The following CHD9 variants were observed in gnomAD, a reference collection of about 807,000 sequenced individuals.
CHD9 encodes ATP-dependent chromatin remodeler CHD9.
In CHD9, 77 loss-of-function variants were observed where a neutral mutation model predicts 316.1. The observed-to-expected ratio is 0.24, with a 90% CI of 0.20 to 0.29. The LOEUF (loss-of-function observed/expected upper bound fraction) is 0.29, where lower values mean the gene tolerates loss of function less well. Among genes scored for constraint, CHD9 ranks in the 10% least tolerant of loss-of-function variants. The pLI, the probability that CHD9 is intolerant of heterozygous loss-of-function variation, is 1.00. For synonymous variants in CHD9, 1,129 were observed against 1,158.3 expected, an observed-to-expected ratio of 0.97 and a Z score of 0.51; for missense variants, 2,763 against 3,438.1, an observed-to-expected ratio of 0.80 and a Z score of 4.91.
intron 22 of CHD9, among the ~76,000 whole-genome samples, chr16:53,268,895 T>G (rs2051947458): frequency 6.6e-6 from 1 of 152,158 alleles, no homozygotes. Flanking sequence ...CTCAACCTCC[T>G]GGGCTTAAGC....
intron 1 of CHD9, among the ~76,000 whole-genome samples, chr16:53,067,770 C>T (rs2033654292): frequency 6.6e-6 from 1 of 152,152 alleles, no homozygotes; most frequent in South Asian, 2.1e-4. Context: ...TCAGGTTTCT[C>T]CACGGTAAAG....
intron 1 of CHD9, among the ~76,000 whole-genome samples, chr16:53,065,321 A>G (rs2033392394): frequency 6.6e-6 from 1 of 151,992 alleles, no homozygotes; most frequent in Non-Finnish European, 1.5e-5. Context: ...TCCCTGGGCC[A>G]GCCCTAAGAT....
intron 38 of CHD9, among the ~76,000 whole-genome samples, chr16:53,323,442 G>A (rs1220025555): frequency 2.6e-5 from 4 of 152,186 alleles, no homozygotes; most frequent in African/African-American, 9.6e-5. Context: ...CATGAAAGTA[G>A]CATAGATTGT....
At chr16:53,235,551 C>T (rs1273788707) in intron 11 of CHD9, among the ~76,000 whole-genome samples, 1 of 152,022 alleles carries the variant, frequency 6.6e-6, no homozygotes, top group African/African-American at 2.4e-5. Flanking sequence ...TTTGAAATAC[C>T]TTTCCAAGAG....
chr16:53,089,560 G>A (rs1448954872), intron 1 of CHD9, among the ~76,000 whole-genome samples: 3 of 152,206 alleles, frequency 2.0e-5, no homozygotes, highest in African/African-American at 7.2e-5. Flanking sequence ...AAAGCACAGA[G>A]CAGGTGAGGA....
intron 1 of CHD9, among the ~76,000 whole-genome samples, chr16:53,072,790 G>T (rs1279777111): frequency 2.6e-5 from 4 of 151,972 alleles, no homozygotes; most frequent in Non-Finnish European, 5.9e-5. Flanking sequence ...CACCTCCCGG[G>T]TTCAAGCAAT....
chr16:53,129,974 T>A (rs1004743499), intron 1 of CHD9, among the ~76,000 whole-genome samples: 1 of 152,148 alleles, frequency 6.6e-6, no homozygotes, highest in Non-Finnish European at 1.5e-5. Context: ...GAACCCAGGT[T>A]TTCCAGTACG....
intron 2 of CHD9, among the ~76,000 whole-genome samples, chr16:53,175,138 T>C (rs903006902): frequency 1.3e-5 from 2 of 152,138 alleles, no homozygotes; most frequent in Non-Finnish European, 2.9e-5. Context: ...TTTTCTGGGT[T>C]TTGGGTAATC....
chr16:53,067,739 A>G (rs1276578651), intron 1 of CHD9, among the ~76,000 whole-genome samples: 1 of 152,174 alleles, frequency 6.6e-6, no homozygotes. Flanking sequence ...ACTTATTACC[A>G]GGTGGCTAAG....
Position 53,274,298 on chromosome 16 carries a change from G to A in CHD9, c.4963G>A (p.Ala1655Thr), listed in dbSNP as rs946884605. The change falls in exon 24 of 39, where the codon GCA becomes ACA. Residue 1655 changes from alanine to threonine, a missense_variant. By Grantham distance (58) the Ala-to-Thr change is moderately conservative (BLOSUM62 0). Around this residue, in one of 15 missense-constraint regions of CHD9, gnomAD observed 40 missense variants for 39.5 expected, o/e 1.01. Transcript: ENST00000447540. The stretch of plus-strand genomic sequence containing the variant: ...TCAGAAAGTATTTGATGGAGTTGAT[G>A]CAAGGTAAGTTAAACAATTTTTATT... ...ECQKVFDGVD[A>T]SDIDVWVPEP... 1.3e-6 allele frequency: 2 copies of A among 1,568,286 alleles called. No individual in the cohort carries two copies. The highest frequency in any genetic ancestry group is 1.7e-6 in the Non-Finnish European group (2 of 1,154,300).
rs533263059 is a variant in CHD9, at chr16:53,055,426, A to G, written c.-165+349A>G. The stretch of plus-strand genomic sequence containing the variant: ...GATAAGGTCCAGAGCACCACTTCTT[A>G]AACTTGTCTGCCCGTTGGCGTTGCT... On this transcript the variant is annotated intron_variant, in intron 1 of 38. Coordinates refer to ENST00000447540, the MANE Select transcript of CHD9 (RefSeq NM_001308319.2). Among the ~76,000 whole-genome samples the G allele has an allele frequency of 3.3e-5, 5 of 152,024 alleles. No homozygotes were observed. In the East Asian group the frequency reaches 9.7e-4, roughly 30 times the overall value.
At chr16:53,082,106 G>A (rs1596913070) in intron 1 of CHD9, among the ~76,000 whole-genome samples, 1 of 152,170 alleles carries the variant, frequency 6.6e-6, no homozygotes, top group Non-Finnish European at 1.5e-5. Flanking sequence ...CTTGGTGTTG[G>A]TGTTCCATAT....
Position 53,255,715 on chromosome 16 carries a change from T to C in CHD9, c.4145T>C (p.Ile1382Thr). The change falls in exon 19 of 39, where the codon ATT (isoleucine) becomes ACT (threonine). Residue 1382 changes from isoleucine (I) to threonine (T), a missense_variant. This residue lies in a region of CHD9 where 199 missense variants were observed against 251.7 expected (regional missense o/e 0.79). Transcript: ENST00000447540. Reference sequence around the variant, plus strand: ...TTCTGCGAAGAGGATATCGATCAGATTTTACTACGTCGTACAAAAACTATT... The same window carrying C: ...TTCTGCGAAGAGGATATCGATCAGACTTTACTACGTCGTACAAAAACTATT... ...SKFCEEDIDQ[I>T]LLRRTKTITI... The C allele has an allele frequency of 6.2e-7, 1 of 1,613,866 alleles. No homozygotes were observed. The highest frequency in any genetic ancestry group is 8.5e-7 in the Non-Finnish European group (1 of 1,179,814).
At chr16:53,296,770 A>G (rs1277603874) in intron 29 of CHD9, among the ~76,000 whole-genome samples, 186 bp from the exon 30 acceptor site, 1 of 152,180 alleles carries the variant, frequency 6.6e-6, no homozygotes, top group East Asian at 1.9e-4. Flanking sequence ...TTTCTAAAAA[A>G]AAGTATGGTT....
At chr16:53,301,985 A>G (rs6499543) in intron 30 of CHD9, among the ~76,000 whole-genome samples, 47,137 of 151,530 alleles carry the variant, frequency 0.31, 7,490 homozygotes, top group Middle Eastern at 0.39. Flanking sequence ...GGATGGTCTC[A>G]ATCTCCTGAC....
chr16:53,139,867 G>A (rs1472183497), intron 1 of CHD9, among the ~76,000 whole-genome samples: 4 of 152,052 alleles, frequency 2.6e-5, no homozygotes, highest in Admixed American at 6.5e-5. Context: ...GGAGGCTGAG[G>A]TGGGTGGATC....
At chr16:53,133,873 G>C (rs933420681) in intron 1 of CHD9, among the ~76,000 whole-genome samples, 23 of 152,174 alleles carry the variant, frequency 1.5e-4, no homozygotes, top group African/African-American at 5.5e-4. Flanking sequence ...AAACAGGATA[G>C]AGCTGAAGGA....
At chr16:53,238,211 G>T in intron 11 of CHD9, 132 bp from the exon 12 acceptor site, 1 of 790,430 alleles carries the variant, frequency 1.3e-6, no homozygotes, top group Non-Finnish European at 1.9e-6. Flanking sequence ...AGCCTACCCT[G>T]CACTTAAGCA....
intron 2 of CHD9, 93 bp from the exon 3 acceptor site, chr16:53,209,389 T>A: frequency 1.1e-6 from 1 of 904,218 alleles, no homozygotes; most frequent in South Asian, 2.0e-5. Context: ...TAATTTTACC[T>A]CTCTAAACAT....
Sources: gnomAD v4.1 joint callset for allele counts (sites outside exome capture counted in the v4.1 genomes callset) on GRCh38, gnomAD v4.1.1 for gene constraint, gnomAD v4.1.1 regional missense constraint, MANE v1.5 for transcripts, NCBI Gene and HGNC (gene_info 2026-07-23, HGNC 2026-07-21) for gene names.